MYLK4: variants seen among roughly 807,000 people sequenced by gnomAD.
The protein encoded by MYLK4 is myosin light chain kinase family member 4.
In MYLK4, 46 loss-of-function variants were observed where a neutral mutation model predicts 48.1. That is an observed-to-expected ratio of 0.96 (90% CI 0.75 to 1.22). The LOEUF (loss-of-function observed/expected upper bound fraction) is 1.22, where lower values mean the gene tolerates loss of function less well. Ranked by LOEUF, MYLK4 falls within the 50% of genes most tolerant of loss-of-function variation. The pLI is 0.00. For missense variants in MYLK4, 451 were observed against 486.1 expected, an observed-to-expected ratio of 0.93 and a Z score of 0.68; for synonymous variants, 170 against 180.8, an observed-to-expected ratio of 0.94 and a Z score of 0.48.
At chr6:2,757,118 T>C in the MYLK4 span, among the ~76,000 whole-genome samples, 1 of 150,986 alleles carries the variant, frequency 6.6e-6, no homozygotes, top group Non-Finnish European at 1.5e-5. Flanking sequence ...ATGGGCAGTT[T>C]GGTGAACTCT....
At chr6:2,702,667 G>A (rs1762331488) in intron 2 of MYLK4, among the ~76,000 whole-genome samples, 1 of 152,178 alleles carries the variant, frequency 6.6e-6, no homozygotes, top group Admixed American at 6.5e-5. Context: ...CCACAAAACA[G>A]TGTTAAGTTG....
At chr6:2,747,609 C>A (rs561791569) in intron 2 of MYLK4, among the ~76,000 whole-genome samples, 1 of 152,166 alleles carries the variant, frequency 6.6e-6, no homozygotes, top group African/African-American at 2.4e-5. Flanking sequence ...CTTGCCCCAG[C>A]CTCCCAAAGT....
At chr6:2,713,735 CCAGGTGGTA>C in intron 2 of MYLK4, among the ~76,000 whole-genome samples, 1 of 152,198 alleles carries the variant, frequency 6.6e-6, no homozygotes, top group Non-Finnish European at 1.5e-5. Context: ...ACCAGCAGGG[CCAGGTGGTA>C]CAGCCAGTAC....
At chr6:2,668,624 T>A (rs1760755962) in intron 12 of MYLK4, among the ~76,000 whole-genome samples, 1 of 152,212 alleles carries the variant, frequency 6.6e-6, no homozygotes, top group South Asian at 2.1e-4. Context: ...TCAAATTTGG[T>A]TTCCATCATA....
At chr6:2,754,573 T>C (rs1355883363), upstream of MYLK4, among the ~76,000 whole-genome samples, 2 of 152,214 alleles carry the variant, frequency 1.3e-5, no homozygotes, top group Non-Finnish European at 2.9e-5. Context: ...TGATGTGTGG[T>C]AGTGATGACT....
At chr6:2,767,629 C>G in the MYLK4 span, among the ~76,000 whole-genome samples, 60 of 152,300 alleles carry the variant, frequency 3.9e-4, no homozygotes, top group South Asian at 6.6e-3. Context: ...TTGTTAACCC[C>G]ATTTAAGGGA....
intron 2 of MYLK4, among the ~76,000 whole-genome samples, chr6:2,695,077 C>T (rs757281210): frequency 4.6e-5 from 7 of 152,066 alleles, no homozygotes; most frequent in Admixed American, 2.6e-4. Context: ...TTACAATTAA[C>T]ATGGAAGAGA....
chr6:2,762,535 C>T, the MYLK4 span, among the ~76,000 whole-genome samples: 1 of 152,168 alleles, frequency 6.6e-6, no homozygotes, highest in African/African-American at 2.4e-5. Flanking sequence ...AATCAGTGTA[C>T]TGTATTTCCA....
intron 10 of MYLK4, among the ~76,000 whole-genome samples, chr6:2,676,534 A>C (rs990622176): frequency 6.6e-6 from 1 of 152,254 alleles, no homozygotes; most frequent in African/African-American, 2.4e-5. Context: ...ACTAATAATT[A>C]AACTTAATAA....
chr6:2,678,854 C>A (rs1761186709), intron 9 of MYLK4, among the ~76,000 whole-genome samples: 1 of 151,998 alleles, frequency 6.6e-6, no homozygotes, highest in South Asian at 2.1e-4. Context: ...CAGGTGCATG[C>A]CACCACGCAC....
intron 2 of MYLK4, among the ~76,000 whole-genome samples, chr6:2,699,485 GAC>G (rs1177044241): frequency 1.4e-5 from 2 of 147,930 alleles, no homozygotes; most frequent in African/African-American, 5.0e-5. Flanking sequence ...TTTTAGTAGA[GAC>G]AGGGTTTCAC....
chr6:2,761,092 G>T, the MYLK4 span, among the ~76,000 whole-genome samples: 1 of 152,126 alleles, frequency 6.6e-6, no homozygotes, highest in African/African-American at 2.4e-5. Context: ...GTAGTAGATG[G>T]CTTATAAAAT....
chr6:2,686,194 C>G (rs1761540736), intron 4 of MYLK4, among the ~76,000 whole-genome samples: 1 of 152,146 alleles, frequency 6.6e-6, no homozygotes, highest in South Asian at 2.1e-4. Context: ...CAGCACATTT[C>G]TTGGGTGATT....
chr6:2,672,887 G>A lies in MYLK4; in HGVS notation c.1120-1539C>T, dbSNP rs538944467. Among the ~76,000 whole-genome samples the A allele has an allele frequency of 2.0e-5, 3 of 152,236 alleles. No individual in the cohort carries two copies. Among genetic ancestry groups the A allele is most frequent in the African/African-American group, 7.2e-5 (3 of 41,534 alleles). On this transcript the variant is annotated intron_variant, in intron 11 of 12. Transcript: ENST00000274643. The surrounding 1 kb of genome is among the most constrained non-coding windows in gnomAD (Gnocchi z 4.3). ...ACAGACACTAATGTGCCCATTTTGT[G>A]CGTTGCTATGAGGAGTCAGTGAGTT...
intron 2 of MYLK4, among the ~76,000 whole-genome samples, chr6:2,744,939 C>T (rs928161393): frequency 1.2e-4 from 18 of 152,152 alleles, no homozygotes; most frequent in African/African-American, 4.3e-4. Flanking sequence ...GTGGGCTATG[C>T]TGACATATTT....
the MYLK4 span, among the ~76,000 whole-genome samples, chr6:2,761,616 GAGGT>G: frequency 1.9e-4 from 29 of 152,288 alleles, no homozygotes; most frequent in African/African-American, 6.7e-4. Flanking sequence ...GACAGACCGT[GAGGT>G]AGGCATTCTT....
In MYLK4 at chr6:2,679,414, A is replaced by G; in HGVS notation, c.759-6T>C. The G allele has an allele frequency of 6.2e-7, 1 of 1,614,188 alleles. No individual in the cohort carries two copies. The highest frequency in any genetic ancestry group is 8.5e-7 in the Non-Finnish European group (1 of 1,180,006). On this transcript the variant is annotated splice_polypyrimidine_tract_variant and splice_region_variant and intron_variant, in intron 8 of 12. Transcript: ENST00000274643. Reference sequence around the variant, plus strand: ...GCTTCTCTCTGGGTTTGTATCTGCAATTTAAGAGACAAAGTGGAAGGATGG... The same window carrying G: ...GCTTCTCTCTGGGTTTGTATCTGCAGTTTAAGAGACAAAGTGGAAGGATGG...
intron 2 of MYLK4, among the ~76,000 whole-genome samples, chr6:2,708,674 T>C (rs1386029412): frequency 2.0e-5 from 3 of 152,168 alleles, no homozygotes; most frequent in Non-Finnish European, 4.4e-5. Flanking sequence ...TACTTAATCT[T>C]TTGGCCTATC....
intron 2 of MYLK4, among the ~76,000 whole-genome samples, chr6:2,727,903 C>T (rs180883153): frequency 2.4e-3 from 348 of 147,304 alleles, no homozygotes; most frequent in African/African-American, 8.0e-3. Flanking sequence ...GCCGAGATCA[C>T]GCCACTGCGC....
Sources: gnomAD v4.1 joint callset for allele counts (sites outside exome capture counted in the v4.1 genomes callset) on GRCh38, gnomAD v4.1.1 for gene constraint, Gnocchi (gnomAD v3.1) non-coding constraint, MANE v1.5 for transcripts, NCBI Gene and HGNC (gene_info 2026-07-23, HGNC 2026-07-21) for gene names.